The following OR51B5 variants were observed in gnomAD, a reference collection of about 807,000 sequenced individuals.
The protein encoded by OR51B5 is olfactory receptor family 51 subfamily B member 5, also known as olfactory receptor 51B5.
For synonymous variants in OR51B5, 186 were observed against 144.8 expected (o/e 1.28, Z -2.04); for missense variants, 456 against 374.6 (o/e 1.22, Z -1.79).
intron 1 of OR51B5, among the ~76,000 whole-genome samples, chr11:5,501,772 T>G: frequency 6.7e-6 from 1 of 148,666 alleles, no homozygotes; most frequent in Middle Eastern, 3.4e-3. Context: ...AATTTCTCCC[T>G]GTTTATTATT....
intron 1 of OR51B5, among the ~76,000 whole-genome samples, chr11:5,490,479 C>G (rs373180118): frequency 5.3e-5 from 8 of 152,078 alleles, no homozygotes; most frequent in Non-Finnish European, 1.0e-4. Flanking sequence ...AGGTCTCTTT[C>G]CTTTTAGTTA....
chr11:5,432,879 A>G (rs536633990), intron 1 of OR51B5, among the ~76,000 whole-genome samples: 1 of 152,312 alleles, frequency 6.6e-6, no homozygotes, highest in African/African-American at 2.4e-5. Flanking sequence ...TCTAGGTTGG[A>G]GTCATCAGAA....
At chr11:5,501,434 A>C (rs966753604) in intron 1 of OR51B5, among the ~76,000 whole-genome samples, 1 of 148,064 alleles carries the variant, frequency 6.8e-6, no homozygotes, top group Non-Finnish European at 1.5e-5. Context: ...TTACCTTCTT[A>C]TTATACTCAG....
At chr11:5,401,015 T>A (rs1849960029) in intron 1 of OR51B5, among the ~76,000 whole-genome samples, 1 of 152,206 alleles carries the variant, frequency 6.6e-6, no homozygotes, top group Admixed American at 6.5e-5. Flanking sequence ...TTTGGGTGAA[T>A]GAGTTGAAAA....
At chr11:5,471,694 C>T (rs1274324546) in intron 1 of OR51B5, among the ~76,000 whole-genome samples, 1 of 150,764 alleles carries the variant, frequency 6.6e-6, no homozygotes, top group Non-Finnish European at 1.5e-5. Context: ...AATGTATTAA[C>T]ATAAGAGCTA....
rs570238349 is a variant in OR51B5, at chr11:5,393,461, T to C, written n.85-46551A>G. Among the ~76,000 whole-genome samples, 7 of 152,232 alleles carry C rather than the reference T, an allele frequency of 4.6e-5. No individual in the cohort carries two copies. In the East Asian group the frequency reaches 1.4e-3, roughly 29 times the overall value. On this transcript the variant is annotated intron_variant and non_coding_transcript_variant, in intron 1 of 4. Transcript: ENST00000415970. ...ATTTGTATCAAAAGAAAAACAGCTG[T>C]TATATATAATCTTATTTTCTATATA...
At chr11:5,342,508 T>C, downstream of OR51B5, 1 of 1,494,298 alleles carries the variant, frequency 6.7e-7, no homozygotes, top group Non-Finnish European at 8.9e-7. Context: ...GCATGCATGC[T>C]AGATATGAGA....
chr11:5,360,754 A>T (rs1239516815), intron 1 of OR51B5, among the ~76,000 whole-genome samples: 2 of 148,688 alleles, frequency 1.3e-5, no homozygotes, highest in African/African-American at 4.9e-5. Flanking sequence ...ATGTCCAACA[A>T]TGATAGACTG....
rs114907787 is a variant in OR51B5 at position 5,386,366 on chromosome 11, T to C, written n.85-39456A>G. On this transcript the variant is annotated intron_variant and non_coding_transcript_variant, in intron 1 of 4. Coordinates refer to the OR51B5 transcript ENST00000415970. ...CATAGAGAGACAAAGGTTCATATCT[T>C]ATCCTGATTTTCGCTCACTACCAGG... 7.1e-3 allele frequency among the ~76,000 whole-genome samples: 1,085 copies of C among 152,308 alleles called. 14 individuals carry two copies. Among genetic ancestry groups the C allele is most frequent in the African/African-American group, 0.025 (1,033 of 41,560 alleles).
chr11:5,483,515 AAAAG>A (rs142018930), intron 1 of OR51B5, among the ~76,000 whole-genome samples: 14,662 of 116,422 alleles, frequency 0.13, 806 homozygotes, highest in Middle Eastern at 0.2. Flanking sequence ...AATTAAAAAA[AAAAG>A]AAAAGAAAAG....
intron 1 of OR51B5, among the ~76,000 whole-genome samples, chr11:5,396,460 T>C (rs1014112614): frequency 1.1e-4 from 16 of 152,148 alleles, no homozygotes; most frequent in Non-Finnish European, 2.1e-4. Context: ...CATTCACAAT[T>C]GCTTCAGAGA....
intron 1 of OR51B5, chr11:5,392,171 T>C (rs957271716): frequency 1.3e-5 from 2 of 152,244 alleles, no homozygotes; most frequent in African/African-American, 4.8e-5. Flanking sequence ...TTGTGTGGTA[T>C]CTCATGTTTG....
At chr11:5,343,536 A>G (rs1460580249), upstream of OR51B5, 5 of 777,006 alleles carry the variant, frequency 6.4e-6, no homozygotes, top group Admixed American at 6.9e-5. Flanking sequence ...CTGGGTTTAT[A>G]TAGAAGAAAT....
chr11:5,403,824 G>T (rs1850013251), intron 1 of OR51B5, among the ~76,000 whole-genome samples: 1 of 152,134 alleles, frequency 6.6e-6, no homozygotes, highest in Non-Finnish European at 1.5e-5. Context: ...AGAAAAGATT[G>T]TAACACAGCA....
At chr11:5,436,223 T>A (rs980700231) in intron 1 of OR51B5, among the ~76,000 whole-genome samples, 2 of 152,148 alleles carry the variant, frequency 1.3e-5, no homozygotes, top group African/African-American at 4.8e-5. Flanking sequence ...GTATGACAGG[T>A]GCTGAGCCAT....
chr11:5,468,725 G>A (rs912319651), intron 1 of OR51B5: 6 of 456,436 alleles, frequency 1.3e-5, no homozygotes, highest in African/African-American at 1.0e-4. Flanking sequence ...CTCACCCCTG[G>A]AGGCAATGGC....
chr11:5,405,083 T>C (rs1200007694), intron 1 of OR51B5, among the ~76,000 whole-genome samples: 1 of 152,216 alleles, frequency 6.6e-6, no homozygotes, highest in African/African-American at 2.4e-5. Flanking sequence ...TTTTCTACCT[T>C]GTTGGATGCT....
At chr11:5,374,523 G>T (rs1324233445) in intron 1 of OR51B5, among the ~76,000 whole-genome samples, 3 of 152,066 alleles carry the variant, frequency 2.0e-5, no homozygotes, top group African/African-American at 7.2e-5. Flanking sequence ...TTCAGACGAT[G>T]AAACTACTCC....
At chr11:5,484,161 A>G (rs1590022956) in intron 1 of OR51B5, among the ~76,000 whole-genome samples, 1 of 152,172 alleles carries the variant, frequency 6.6e-6, no homozygotes, top group African/African-American at 2.4e-5. Context: ...TTCCTCAGCA[A>G]TATGTTCAGT....
Sources: gnomAD v4.1 joint callset for allele counts (sites outside exome capture counted in the v4.1 genomes callset) on GRCh38, gnomAD v4.1.1 for gene constraint, MANE v1.5 for transcripts, NCBI Gene and HGNC (gene_info 2026-07-23, HGNC 2026-07-21) for gene names.